CPNE4: variants seen among roughly 807,000 people sequenced by gnomAD.
The protein encoded by CPNE4 is copine-4.
A neutral mutation model predicts 67.9 loss-of-function variants in CPNE4; 25 were observed. That is an observed-to-expected ratio of 0.37 (90% CI 0.27 to 0.51). The LOEUF is 0.51. Among genes scored for constraint, CPNE4 ranks in the 20% least tolerant of loss-of-function variants. CPNE4 has a pLI of 0.93. For missense variants in CPNE4, 464 were observed against 690.8 expected (o/e 0.67, Z 3.68); for synonymous variants, 242 against 244.9 (o/e 0.99, Z 0.11).
At chr3:131,989,849 G>T (rs2073136556) in intron 1 of CPNE4, among the ~76,000 whole-genome samples, 1 of 135,926 alleles carries the variant, frequency 7.4e-6, no homozygotes. Flanking sequence ...ATAACGTTCT[G>T]GTGAGACCAG....
At chr3:131,692,098 A>G (rs2081047884) in intron 5 of CPNE4, among the ~76,000 whole-genome samples, 1 of 152,162 alleles carries the variant, frequency 6.6e-6, no homozygotes, top group South Asian at 2.1e-4. Context: ...GTTCAATATA[A>G]AAGAAATTTA....
At chr3:131,573,285 A>G (rs1290053590) in intron 10 of CPNE4, among the ~76,000 whole-genome samples, 1 of 151,886 alleles carries the variant, frequency 6.6e-6, no homozygotes, top group Non-Finnish European at 1.5e-5. Context: ...CACCTCCCAC[A>G]GGTCTATCAG....
chr3:131,671,999 G>C (rs570465961), intron 6 of CPNE4, among the ~76,000 whole-genome samples: 19 of 151,752 alleles, frequency 1.3e-4, no homozygotes, highest in African/African-American at 4.4e-4. Context: ...GTCCATCATT[G>C]TATTTTCTAT....
intron 11 of CPNE4, among the ~76,000 whole-genome samples, chr3:131,557,797 AG>A (rs898955580): frequency 1.3e-5 from 2 of 151,998 alleles, no homozygotes; most frequent in Non-Finnish European, 2.9e-5. Flanking sequence ...AAGCATGGGT[AG>A]GTGTGAGAAG....
At chr3:131,546,314 C>T (rs933706360) in intron 14 of CPNE4, among the ~76,000 whole-genome samples, 3 of 152,132 alleles carry the variant, frequency 2.0e-5, no homozygotes, top group African/African-American at 7.2e-5. Flanking sequence ...CTTCTAAAGT[C>T]AGACTGGGAA....
At chr3:131,854,402 T>G (rs1583331213) in intron 2 of CPNE4, among the ~76,000 whole-genome samples, 1 of 151,920 alleles carries the variant, frequency 6.6e-6, no homozygotes, top group East Asian at 1.9e-4. Context: ...AAGATTTACT[T>G]GGGTGATGAA....
At chr3:131,705,918 CTCAGT>C (rs1324832121) in intron 3 of CPNE4, among the ~76,000 whole-genome samples, 22 of 152,146 alleles carry the variant, frequency 1.4e-4, no homozygotes, top group Admixed American at 6.5e-5. Context: ...AATGACCCAG[CTCAGT>C]TATTAGTCAG....
chr3:131,894,501 A>T (rs1285429568), intron 2 of CPNE4, among the ~76,000 whole-genome samples: 2 of 152,172 alleles, frequency 1.3e-5, no homozygotes, highest in East Asian at 3.9e-4. Context: ...TTCATTCAGA[A>T]TATATAAGGA....
intron 1 of CPNE4, among the ~76,000 whole-genome samples, chr3:131,951,956 C>G (rs983213920): frequency 1.3e-5 from 2 of 152,142 alleles, no homozygotes; most frequent in African/African-American, 4.8e-5. Flanking sequence ...CCCAAAGTGC[C>G]AAGATTGCAG....
intron 2 of CPNE4, among the ~76,000 whole-genome samples, chr3:131,808,958 T>C (rs1413983717): frequency 6.6e-6 from 1 of 152,130 alleles, no homozygotes; most frequent in African/African-American, 2.4e-5. Context: ...GTATCTTTGG[T>C]AAAAGTAGCC....
At chr3:131,919,951 G>T (rs1243488186) in intron 1 of CPNE4, among the ~76,000 whole-genome samples, 1 of 152,170 alleles carries the variant, frequency 6.6e-6, no homozygotes, top group Non-Finnish European at 1.5e-5. Context: ...CCTCAAATGA[G>T]TCAGAGTCAC....
chr3:132,022,938 T>C lies in CPNE4; in HGVS notation c.-2+11629A>G, dbSNP rs115172863. ...CAATCTGAGTTCATTGATCACCGAT[T>C]GAGAACCACATGGAATTATGTCAGC... On this transcript the variant is annotated intron_variant, in intron 1 of 15. Coordinates refer to ENST00000429747, the MANE Select transcript of CPNE4 (RefSeq NM_130808.3). Among the ~76,000 whole-genome samples, 923 of 152,328 alleles carry C rather than the reference T, an allele frequency of 6.1e-3. 10 individuals are homozygous for C. The highest frequency in any genetic ancestry group is 0.021 in the African/African-American group (871 of 41,562).
chr3:131,745,065 T>C (rs1267149058), intron 2 of CPNE4, among the ~76,000 whole-genome samples: 1 of 152,190 alleles, frequency 6.6e-6, no homozygotes, highest in Non-Finnish European at 1.5e-5. Flanking sequence ...GCATGAGTGA[T>C]TCAGTTTCTC....
At chr3:131,680,854 T>C (rs375137910) in intron 6 of CPNE4, among the ~76,000 whole-genome samples, 2 of 152,092 alleles carry the variant, frequency 1.3e-5, no homozygotes, top group African/African-American at 4.8e-5. Flanking sequence ...CCACAGTCCA[T>C]AGCATCATTC....
intron 1 of CPNE4, among the ~76,000 whole-genome samples, chr3:131,950,630 G>A (rs1280433019): frequency 2.0e-5 from 3 of 152,144 alleles, no homozygotes; most frequent in African/African-American, 4.8e-5. Context: ...ATAAGTTTTC[G>A]AAAGCAGGCA....
At chr3:131,782,444 CGTTT>C (rs895725847) in intron 2 of CPNE4, among the ~76,000 whole-genome samples, 1 of 151,648 alleles carries the variant, frequency 6.6e-6, no homozygotes, top group Non-Finnish European at 1.5e-5. Flanking sequence ...AATTCAGTTC[CGTTT>C]ATTTCATCGA....
chr3:131,642,459 G>C (rs1182844570), intron 7 of CPNE4, among the ~76,000 whole-genome samples: 1 of 152,126 alleles, frequency 6.6e-6, no homozygotes, highest in Non-Finnish European at 1.5e-5. Context: ...ATCTTACCTT[G>C]TCTTCCAGGT....
At chr3:132,010,068 A>C (rs896685795) in intron 1 of CPNE4, among the ~76,000 whole-genome samples, 6 of 152,202 alleles carry the variant, frequency 3.9e-5, no homozygotes, top group African/African-American at 1.4e-4. Context: ...TAGTATAGGG[A>C]GGCATGGGGC....
intron 7 of CPNE4, among the ~76,000 whole-genome samples, chr3:131,601,325 G>T (rs1939194980): frequency 6.6e-6 from 1 of 152,096 alleles, no homozygotes; most frequent in Non-Finnish European, 1.5e-5. Flanking sequence ...TAGGAATTGA[G>T]CTGGCAAAGA....
Sources: gnomAD v4.1 joint callset for allele counts (sites outside exome capture counted in the v4.1 genomes callset) on GRCh38, gnomAD v4.1.1 for gene constraint, MANE v1.5 for transcripts, NCBI Gene and HGNC (gene_info 2026-07-23, HGNC 2026-07-21) for gene names.